Variants in PTPRB observed in about 807,000 individuals in gnomAD.
PTPRB encodes receptor-type tyrosine-protein phosphatase beta.
PTPRB carries 97 observed loss-of-function variants against 238.1 expected under a neutral mutation model. The observed-to-expected ratio is 0.41, with a 90% confidence interval of 0.35 to 0.48. The LOEUF (loss-of-function observed/expected upper bound fraction) is 0.48. Ranked by LOEUF, PTPRB falls within the 20% of genes least tolerant of loss-of-function variation. PTPRB has a pLI of 0.30. For missense variants in PTPRB, 2,292 were observed against 2,681.9 expected (o/e 0.85, Z 3.21); for synonymous variants, 970 against 995.4 (o/e 0.97, Z 0.48).
rs1224850632 is a variant in PTPRB, at chr12:70,580,087, A to C, written c.2578+949T>G. Among the ~76,000 whole-genome samples, 7 of 152,174 alleles carry C rather than the reference A, an allele frequency of 4.6e-5. No individual in the cohort carries two copies. In the South Asian group the frequency reaches 8.3e-4, roughly 18 times the overall value. On this transcript the variant is annotated intron_variant, in intron 10 of 33. Coordinates refer to ENST00000334414, the MANE Select transcript of PTPRB (RefSeq NM_001109754.4). ...AACATACATTTTATATATCATATAT[A>C]TTAATTTTTTATGTTCTTTCATTGT...
At chr12:70,586,884 A>G (rs1266175768) in intron 9 of PTPRB, 123 bp downstream of exon 9, 2 of 939,736 alleles carry the variant, frequency 2.1e-6, no homozygotes, top group South Asian at 1.7e-5. Flanking sequence ...AACACAATAG[A>G]AAGGATCCAT....
At chr12:70,598,304 A>G (rs1883201494) in intron 4 of PTPRB, among the ~76,000 whole-genome samples, 1 of 152,234 alleles carries the variant, frequency 6.6e-6, no homozygotes, top group Non-Finnish European at 1.5e-5. Flanking sequence ...TGAATATTAT[A>G]TAAAAAGTAG....
Position 70,516,712 on chromosome 12 carries a change from G to A in PTPRB, c.*4777C>T, listed in dbSNP as rs746706597. The A allele has an allele frequency of 6.6e-6, 1 of 152,168 alleles. No individual in the cohort carries two copies. Among genetic ancestry groups the A allele is most frequent in the Non-Finnish European group, 1.5e-5 (1 of 68,022 alleles). 9.4% of individuals were successfully genotyped at this position (152,168 alleles called of 1,614,324 possible). On this transcript the variant is annotated 3_prime_UTR_variant, in exon 34 of 34. Transcript: ENST00000334414. The stretch of plus-strand genomic sequence containing the variant: ...GTGACTGTTCTAGAAGGGACACATT[G>A]CATTTGTCTGACATTATTCACAGTT...
In PTPRB at chr12:70,517,634, C is replaced by T. The variant is rs760775945; in HGVS notation, c.*3855G>A. The T allele has an allele frequency of 1.3e-5, 2 of 152,138 alleles. No individual in the cohort carries two copies. Among genetic ancestry groups the T allele is most frequent in the Admixed American group, 1.3e-4 (2 of 15,258 alleles). The allele number at this position is 152,138 out of a possible 1,614,324, so 9.4% of individuals were successfully genotyped here. ...TGGCTAATCAGTTATATTTTCATTT[C>T]CTCAGTGAAATGGAACCCAGAAAGC... On this transcript the variant is annotated 3_prime_UTR_variant, in exon 34 of 34. Coordinates refer to ENST00000334414, the MANE Select transcript of PTPRB (RefSeq NM_001109754.4).
chr12:70,595,397 A>G (rs2136479524), intron 5 of PTPRB, among the ~76,000 whole-genome samples: 1 of 152,316 alleles, frequency 6.6e-6, no homozygotes, highest in East Asian at 1.9e-4. Context: ...GTGTATACCT[A>G]TGTAACAAAC....
Position 70,560,690 on chromosome 12 carries a change from G to GACTT in PTPRB, c.4409_4412dup (p.Thr1472SerfsTer19). ...TCTCACCTGTTCTGCTCTCCGCTGT[G>GACTT]ACTTTATTGCTGAGATCTCCACTGT... On this transcript the variant is annotated frameshift_variant, in exon 17 of 34. Transcript: ENST00000334414. LOFTEE classifies it high-confidence loss of function. The surrounding 1 kb of genome is among the most constrained non-coding windows in gnomAD (Gnocchi z 4.2). 1 of 1,612,658 alleles carries GACTT rather than the reference G, an allele frequency of 6.2e-7. No individual in the cohort carries two copies. The highest frequency in any genetic ancestry group is 8.5e-7 in the Non-Finnish European group (1 of 1,179,504).
chr12:70,563,301 G>C (rs1400038986), intron 15 of PTPRB, among the ~76,000 whole-genome samples, 194 bp from the exon 16 acceptor site: 1 of 152,204 alleles, frequency 6.6e-6, no homozygotes, highest in Non-Finnish European at 1.5e-5. Flanking sequence ...TTGGACTTCT[G>C]TGCTACCTCT....
intron 32 of PTPRB, among the ~76,000 whole-genome samples, chr12:70,531,323 A>G (rs1359751524): frequency 6.6e-6 from 1 of 151,818 alleles, no homozygotes. Context: ...TTTTTAATAC[A>G]GAGGATTTTG....
At chr12:70,629,415 T>G (rs1045654626) in intron 2 of PTPRB, among the ~76,000 whole-genome samples, 1 of 152,078 alleles carries the variant, frequency 6.6e-6, no homozygotes, top group African/African-American at 2.4e-5. Flanking sequence ...AAAGACACAA[T>G]GTACAGAATC....
At position 70,537,564 on chromosome 12, in the gene PTPRB, G is replaced by A. The variant is rs188719250; in HGVS notation, c.5946+591C>T. 5.8e-3 allele frequency among the ~76,000 whole-genome samples: 879 copies of A among 150,444 alleles called. 6 individuals are homozygous for A. The highest frequency in any genetic ancestry group is 0.04 in the South Asian group (194 of 4,816). On this transcript the variant is annotated intron_variant, in intron 28 of 33. Coordinates refer to ENST00000334414, the MANE Select transcript of PTPRB (RefSeq NM_001109754.4). ...GTGTTTATTGAGTGAATGGATGGTT[G>A]CTTGAGGTATGAGGTAAATATTATT...
chr12:70,570,891 A>G, intron 13 of PTPRB, 135 bp downstream of exon 13: 1 of 933,258 alleles, frequency 1.1e-6, no homozygotes, highest in Non-Finnish European at 1.6e-6. Context: ...CATCATTGTC[A>G]CTATCAACAT....
rs1871187382 is a variant in PTPRB at position 70,516,184 on chromosome 12, T to C, written c.*5305A>G. On this transcript the variant is annotated 3_prime_UTR_variant, in exon 34 of 34. Coordinates refer to ENST00000334414, the MANE Select transcript of PTPRB (RefSeq NM_001109754.4). ...TTGCTGTATTTACTTACATTATTTA[T>C]GCTTCACACAAATGAAGGAATGGCT... is the stretch of plus-strand genomic sequence containing the variant. The C allele has an allele frequency of 6.6e-6, 1 of 152,214 alleles. No homozygotes were observed. Among genetic ancestry groups the C allele is most frequent in the Non-Finnish European group, 1.5e-5 (1 of 68,040 alleles). 9.4% of individuals were successfully genotyped at this position (152,214 alleles called of 1,614,324 possible). A position where few individuals can be genotyped will look rare whatever the true frequency, so the allele number is the denominator to read the frequency against.
At chr12:70,619,047 A>G (rs899126076) in intron 3 of PTPRB, among the ~76,000 whole-genome samples, 3 of 152,182 alleles carry the variant, frequency 2.0e-5, no homozygotes, top group African/African-American at 7.2e-5. Context: ...ACAATCTTGC[A>G]GTAGCATTAG....
chr12:70,619,312 T>TGATGATGATGATGATGATAATGATGAC (rs1555239526), intron 3 of PTPRB, among the ~76,000 whole-genome samples: 1 of 150,080 alleles, frequency 6.7e-6, no homozygotes, highest in Non-Finnish European at 1.5e-5. Context: ...ATGATGATGA[T>TGATGATGATGATGATGATAATGATGAC]GATAATGATA....
chr12:70,596,008 T>C, intron 5 of PTPRB, 41 bp downstream of exon 5: 1 of 1,436,876 alleles, frequency 7.0e-7, no homozygotes, highest in Non-Finnish European at 9.3e-7. Flanking sequence ...ACTTGAAAAG[T>C]ATCCTATTAA....
intron 1 of PTPRB, among the ~76,000 whole-genome samples, chr12:70,636,286 C>CTT (rs75812781): frequency 0.013 from 1,831 of 142,026 alleles, 39 homozygotes; most frequent in African/African-American, 0.044. Flanking sequence ...AACTCCCCAT[C>CTT]TTTTTTTTTT....
At chr12:70,588,791 A>G (rs1011695166) in intron 8 of PTPRB, among the ~76,000 whole-genome samples, 3 of 151,896 alleles carry the variant, frequency 2.0e-5, no homozygotes, top group Non-Finnish European at 4.4e-5. Context: ...TGTCTCTACT[A>G]AAAGAACAAA....
At position 70,534,917 on chromosome 12, in the gene PTPRB, G is replaced by A. The variant is rs1873863038; in HGVS notation, c.6120C>T (p.Ser2040=). ...CDHYWPADQD[S]LYYGDLILQM... is the part of the protein sequence containing the mutation. Reference sequence around the variant, plus strand: ...GCAGGATGAGGTCCCCATAGTAGAGGGAATCCTGGTCCGCTGGCCAGTAAT... The same window carrying A: ...GCAGGATGAGGTCCCCATAGTAGAGAGAATCCTGGTCCGCTGGCCAGTAAT... Residue 2040 remains serine (S), a synonymous_variant, in exon 30 of 34, where the codon TCC becomes TCT. Coordinates refer to ENST00000334414, the MANE Select transcript of PTPRB (RefSeq NM_001109754.4). 1.2e-6 allele frequency: 2 copies of A among 1,613,696 alleles called. No homozygotes were observed. The highest frequency in any genetic ancestry group is 1.7e-6 in the Non-Finnish European group (2 of 1,179,776).
chr12:70,538,804 A>G, intron 27 of PTPRB, 120 bp downstream of exon 27: 1 of 780,238 alleles, frequency 1.3e-6, no homozygotes, highest in Middle Eastern at 2.3e-4. Flanking sequence ...AAAGGCATTC[A>G]GAGCTTGAGA....
Sources: allele counts gnomAD v4.1 joint callset (sites outside exome capture counted in the v4.1 genomes callset), GRCh38; gene constraint gnomAD v4.1.1; non-coding constraint Gnocchi (gnomAD v3.1); transcripts MANE v1.5; gene names NCBI Gene and HGNC (gene_info 2026-07-23, HGNC 2026-07-21).